Variants in GALNT13 observed in about 807,000 individuals in gnomAD.
GALNT13 encodes the protein polypeptide N-acetylgalactosaminyltransferase 13, also known as UDP-GalNAc:polypeptide N-acetylgalactosaminyltransferase 13.
Under a neutral mutation model 64.2 loss-of-function variants are expected in GALNT13, and 28 were observed. The ratio of observed to expected loss-of-function variants is 0.44; its 90% CI spans 0.32 to 0.60. GALNT13 has a LOEUF of 0.60. Among genes scored for constraint, GALNT13 ranks in the 20% least tolerant of loss-of-function variants. The pLI is 0.05. For synonymous variants in GALNT13, 214 were observed against 224.6 expected (o/e 0.95, Z 0.42); for missense variants, 577 against 669.8 (o/e 0.86, Z 1.53).
the GALNT13 span, among the ~76,000 whole-genome samples, chr2:153,770,682 G>C: frequency 1.3e-5 from 2 of 152,196 alleles, no homozygotes; most frequent in Non-Finnish European, 2.9e-5. Flanking sequence ...ATACACATAG[G>C]TATGTATACT....
At chr2:154,035,080 A>G (rs1309729962) in intron 3 of GALNT13, among the ~76,000 whole-genome samples, 1 of 152,156 alleles carries the variant, frequency 6.6e-6, no homozygotes, top group Non-Finnish European at 1.5e-5. Flanking sequence ...TTGTATATTT[A>G]TCACAGCACT....
At chr2:153,518,431 G>A in the GALNT13 span, among the ~76,000 whole-genome samples, 1 of 152,058 alleles carries the variant, frequency 6.6e-6, no homozygotes, top group Non-Finnish European at 1.5e-5. Context: ...ATGAATAAGT[G>A]GAGAAACAAA....
At chr2:154,411,744 C>CAGTA (rs1163917815) in intron 11 of GALNT13, among the ~76,000 whole-genome samples, 10 of 151,658 alleles carry the variant, frequency 6.6e-5, no homozygotes, top group Non-Finnish European at 1.3e-4. Flanking sequence ...TTTCTGCATA[C>CAGTA]AGTAGTACAT....
At chr2:153,395,851 G>A in the GALNT13 span, among the ~76,000 whole-genome samples, 40 of 152,208 alleles carry the variant, frequency 2.6e-4, no homozygotes, top group African/African-American at 9.6e-4. Context: ...TGTGTAAGAA[G>A]GCAGATAGTA....
chr2:153,871,652 G>C (rs1157949418), upstream of GALNT13, among the ~76,000 whole-genome samples: 1 of 152,186 alleles, frequency 6.6e-6, no homozygotes, highest in East Asian at 1.9e-4. Flanking sequence ...TGCTCTTGGG[G>C]GCCGTGCCTG....
chr2:153,407,509 A>G, the GALNT13 span, among the ~76,000 whole-genome samples: 1 of 152,194 alleles, frequency 6.6e-6, no homozygotes, highest in African/African-American at 2.4e-5. Context: ...TAGGGACCTC[A>G]TGTAAAATAC....
At chr2:153,681,304 T>C in the GALNT13 span, among the ~76,000 whole-genome samples, 1 of 151,862 alleles carries the variant, frequency 6.6e-6, no homozygotes, top group East Asian at 1.9e-4. Flanking sequence ...AATTGTGACC[T>C]TGGATTATGT....
chr2:153,800,173 G>T, the GALNT13 span, among the ~76,000 whole-genome samples: 1 of 150,816 alleles, frequency 6.6e-6, no homozygotes, highest in Non-Finnish European at 1.5e-5. Context: ...AGCAAATATT[G>T]CAATAAACCA....
chr2:153,463,528 C>A, the GALNT13 span, among the ~76,000 whole-genome samples: 5 of 152,188 alleles, frequency 3.3e-5, no homozygotes, highest in African/African-American at 1.2e-4. Context: ...TGCAGAACCC[C>A]TCAATCCCTC....
chr2:153,296,667 CTG>C, the GALNT13 span, among the ~76,000 whole-genome samples: 3 of 152,100 alleles, frequency 2.0e-5, no homozygotes, highest in Admixed American at 6.6e-5. Flanking sequence ...CAGATAGAAA[CTG>C]TGTTTCTAGT....
the GALNT13 span, among the ~76,000 whole-genome samples, chr2:153,482,487 T>C: frequency 1.6e-3 from 241 of 152,346 alleles, no homozygotes; most frequent in African/African-American, 5.5e-3. Context: ...TTTTGTTTTT[T>C]GAGATGGTGT....
At chr2:153,970,870 A>G (rs940878022) in intron 3 of GALNT13, among the ~76,000 whole-genome samples, 2 of 152,194 alleles carry the variant, frequency 1.3e-5, no homozygotes, top group South Asian at 4.1e-4. Flanking sequence ...TCTTTAAAGT[A>G]TATTTAGAAT....
chr2:153,557,974 G>A, the GALNT13 span, among the ~76,000 whole-genome samples: 3 of 152,062 alleles, frequency 2.0e-5, no homozygotes, highest in South Asian at 2.1e-4. Context: ...AGCCTTTCTT[G>A]ACCCTGCCAG....
At chr2:153,560,222 A>C in the GALNT13 span, among the ~76,000 whole-genome samples, 2 of 152,042 alleles carry the variant, frequency 1.3e-5, no homozygotes, top group Non-Finnish European at 2.9e-5. Context: ...GTGGGTTAAC[A>C]TTGTTTCTAG....
chr2:153,696,107 G>A, the GALNT13 span, among the ~76,000 whole-genome samples: 2 of 152,282 alleles, frequency 1.3e-5, no homozygotes, highest in East Asian at 3.9e-4. Context: ...GAGCAAGGAA[G>A]TCAGTCCGAG....
chr2:153,244,286 T>C, the GALNT13 span, among the ~76,000 whole-genome samples: 1 of 152,222 alleles, frequency 6.6e-6, no homozygotes, highest in African/African-American at 2.4e-5. Context: ...TATTTTGTGG[T>C]ATCCAGTGTT....
At chr2:153,578,442 G>C in the GALNT13 span, among the ~76,000 whole-genome samples, 1 of 152,146 alleles carries the variant, frequency 6.6e-6, no homozygotes, top group East Asian at 1.9e-4. Flanking sequence ...GAGTAAAAGA[G>C]TGAAAAATGA....
At chr2:154,064,720 A>T (rs932885350) in intron 3 of GALNT13, among the ~76,000 whole-genome samples, 44 of 152,078 alleles carry the variant, frequency 2.9e-4, no homozygotes, top group African/African-American at 1.1e-3. Context: ...CCTGAAAATC[A>T]CCAGTGGTAG....
chr2:154,002,491 A>T (rs1206967509), intron 3 of GALNT13, among the ~76,000 whole-genome samples: 1 of 151,944 alleles, frequency 6.6e-6, no homozygotes, highest in Non-Finnish European at 1.5e-5. Flanking sequence ...TCTATAATAT[A>T]AAATTTCTAT....
Sources: gnomAD v4.1 joint callset for allele counts (sites outside exome capture counted in the v4.1 genomes callset) on GRCh38, gnomAD v4.1.1 for gene constraint, MANE v1.5 for transcripts, NCBI Gene and HGNC (gene_info 2026-07-23, HGNC 2026-07-21) for gene names.